The following CUX2 variants were observed in gnomAD, a reference collection of about 807,000 sequenced individuals.
CUX2 encodes homeobox protein cut-like 2.
A neutral mutation model predicts 144.8 loss-of-function variants in CUX2; 40 were observed. The observed-to-expected ratio is 0.28, with a 90% CI of 0.21 to 0.36. The LOEUF (loss-of-function observed/expected upper bound fraction) is 0.36. Ranked by LOEUF, CUX2 falls within the 10% of genes least tolerant of loss-of-function variation. The pLI is 1.00. For synonymous variants in CUX2, 827 were observed against 875.6 expected (o/e 0.94, Z 0.98); for missense variants, 1,615 against 1,994.0 (o/e 0.81, Z 3.62).
At chr12:111,242,485 C>G (rs1303954869) in intron 3 of CUX2, among the ~76,000 whole-genome samples, 1 of 152,172 alleles carries the variant, frequency 6.6e-6, no homozygotes, top group East Asian at 1.9e-4. Flanking sequence ...CTCCGTGGCT[C>G]TTGATGAAAC....
chr12:111,320,448 T>C lies in CUX2; in HGVS notation c.2439T>C (p.Ser813=). 2 of 1,592,856 alleles carry C rather than the reference T, an allele frequency of 1.3e-6. No individual in the cohort carries two copies. Among genetic ancestry groups the C allele is most frequent in the Non-Finnish European group, 8.5e-7 (1 of 1,174,926 alleles). ...CCTCGCTGTCCTCCTCCTCCTCCTCTGGCTACTCTGGCCAGCCCAACGGCC... is the reference window on the plus strand; with the variant it reads ...CCTCGCTGTCCTCCTCCTCCTCCTCCGGCTACTCTGGCCAGCCCAACGGCC... ...VSPSLSSSSS[S]GYSGQPNGRA... is the part of the protein sequence containing the mutation. Residue 813 remains serine, a synonymous_variant, in exon 17 of 22, where the codon TCT becomes TCC. Transcript: ENST00000261726. This position sits in a 1 kb window ranked among gnomAD's most constrained non-coding sequence, Gnocchi z 8.1.
chr12:111,154,634 A>C (rs1877261533), intron 1 of CUX2, among the ~76,000 whole-genome samples: 1 of 152,172 alleles, frequency 6.6e-6, no homozygotes, highest in Non-Finnish European at 1.5e-5. Context: ...GGGGAGATGC[A>C]GTTGATGTTT....
chr12:111,292,479 A>T (rs1328529973), intron 5 of CUX2, among the ~76,000 whole-genome samples: 1 of 152,098 alleles, frequency 6.6e-6, no homozygotes, highest in Non-Finnish European at 1.5e-5. Flanking sequence ...AATCCCAACT[A>T]CTTGGGAGGC....
At chr12:111,220,743 C>CAAAAAAAAAAAAAAAA (rs549438290) in intron 3 of CUX2, among the ~76,000 whole-genome samples, 1 of 39,106 alleles carries the variant, frequency 2.6e-5, no homozygotes, top group African/African-American at 1.1e-4. Flanking sequence ...CTCATCTCTG[C>CAAAAAAAAAAAAAAAA]AAAAAAAAAA....
chr12:111,285,975 TG>T (rs1334914653), intron 4 of CUX2, among the ~76,000 whole-genome samples: 1 of 152,198 alleles, frequency 6.6e-6, no homozygotes, highest in African/African-American at 2.4e-5. Context: ...TGTCCTGGGG[TG>T]GAAGGGATGT....
intron 1 of CUX2, among the ~76,000 whole-genome samples, chr12:111,188,372 A>G (rs1879681122): frequency 6.6e-6 from 1 of 152,212 alleles, no homozygotes; most frequent in South Asian, 2.1e-4. Context: ...GGACCCTGCC[A>G]TCAGCATTGG....
chr12:111,347,708 G>A lies in CUX2; in HGVS notation c.3844G>A (p.Glu1282Lys), dbSNP rs1888870835. ...GGAACTGGAGCTTCAGGAGGGCCCT[G>A]AGGAGAACAGCACACCCCTGACCAC... ...VKELELQEGPEENSTPLTTQD... is the reference protein window; with the variant it reads ...VKELELQEGPKENSTPLTTQD... Residue 1282 changes from glutamate to lysine, a missense_variant, in exon 22 of 22, where the codon GAG becomes AAG. This residue lies in a region of CUX2 where 298 missense variants were observed against 330.4 expected (regional missense o/e 0.90). Coordinates refer to ENST00000261726, the MANE Select transcript of CUX2 (RefSeq NM_015267.4). 6.2e-7 allele frequency: 1 copy of A among 1,613,880 alleles called. No homozygotes were observed. The highest frequency in any genetic ancestry group is 8.5e-7 in the Non-Finnish European group (1 of 1,179,968).
At chr12:111,285,270 A>T (rs1885321435) in intron 4 of CUX2, among the ~76,000 whole-genome samples, 1 of 152,112 alleles carries the variant, frequency 6.6e-6, no homozygotes, top group African/African-American at 2.4e-5. Context: ...AAGGTGGGGG[A>T]GAATGGTGAG....
chr12:111,043,244 T>C (rs9669756), intron 1 of CUX2, among the ~76,000 whole-genome samples: 11,471 of 151,882 alleles, frequency 0.076, 1,429 homozygotes, highest in African/African-American at 0.26. Flanking sequence ...TCCGAGACAG[T>C]ATATGGCAAA....
At chr12:111,300,900 T>C (rs1886258722) in intron 9 of CUX2, among the ~76,000 whole-genome samples, 1 of 151,982 alleles carries the variant, frequency 6.6e-6, no homozygotes, top group South Asian at 2.1e-4. Context: ...TATCCAGGCA[T>C]GGTGGTGTAC....
chr12:111,263,682 GA>G lies in CUX2; in HGVS notation c.223-69del, dbSNP rs56249976. On this transcript the variant is annotated intron_variant, in intron 3 of 21. Coordinates refer to ENST00000261726, the MANE Select transcript of CUX2 (RefSeq NM_015267.4). This position sits in a 1 kb window ranked among gnomAD's most constrained non-coding sequence, Gnocchi z 4.0. ...AAAAACCTGCAGATGTTTTCTTGTG[GA>G]AAAAAAAAATGATGAAATTTGCTTG... 0.22 allele frequency: 237,863 copies of G among 1,061,210 alleles called. 28,232 individuals carry two copies. The highest frequency in any genetic ancestry group is 0.45 in the East Asian group (17,947 of 40,328). 65.7% of individuals were successfully genotyped at this position (1,061,210 alleles called of 1,614,324 possible). A position where few individuals can be genotyped will look rare whatever the true frequency, so the allele number is the denominator to read the frequency against.
Position 111,322,698 on chromosome 12 carries a change from T to A in CUX2, c.2926+118T>A. The A allele has an allele frequency of 7.6e-7, 1 of 1,324,452 alleles. No homozygotes were observed. The highest frequency in any genetic ancestry group is 1.0e-6 in the Non-Finnish European group (1 of 967,968). 82.0% of individuals were successfully genotyped at this position (1,324,452 alleles called of 1,614,324 possible). On this transcript the variant is annotated intron_variant, in intron 18 of 21. Coordinates refer to ENST00000261726, the MANE Select transcript of CUX2 (RefSeq NM_015267.4). This position sits in a 1 kb window ranked among gnomAD's most constrained non-coding sequence, Gnocchi z 4.2. ...ATCTCTCCCTCCCTGCTGCCCTGGCTTTCATCCCAGTCACTGTCATGGCTG... is the reference window on the plus strand; with the variant it reads ...ATCTCTCCCTCCCTGCTGCCCTGGCATTCATCCCAGTCACTGTCATGGCTG...
Position 111,034,229 on chromosome 12 carries a change from C to A in CUX2, c.52C>A (p.Arg18=). The change falls in exon 1 of 22, where the codon CGG becomes AGG. Residue 18 remains arginine (R), a synonymous_variant. Coordinates refer to ENST00000261726, the MANE Select transcript of CUX2 (RefSeq NM_015267.4). The surrounding 1 kb of genome is among the most constrained non-coding windows in gnomAD (Gnocchi z 4.2). ...TCAATATTGGAAGCGATTTGATCTA[C>A]GGCGACTCCAGGTTAGTGCGGGCAG... ...MFQYWKRFDL[R]RLQKELNSVA... The A allele has an allele frequency of 7.2e-7, 1 of 1,396,740 alleles. No homozygotes were observed. The highest frequency in any genetic ancestry group is 9.6e-7 in the Non-Finnish European group (1 of 1,046,158). 86.5% of individuals were successfully genotyped at this position (1,396,740 alleles called of 1,614,324 possible). A position where few individuals can be genotyped will look rare whatever the true frequency, so the allele number is the denominator to read the frequency against.
intron 16 of CUX2, among the ~76,000 whole-genome samples, chr12:111,318,514 G>C (rs1489250519): frequency 6.6e-6 from 1 of 150,576 alleles, no homozygotes; most frequent in Non-Finnish European, 1.5e-5. Flanking sequence ...CCAGGAGTTT[G>C]AGACCACAGA....
intron 3 of CUX2, among the ~76,000 whole-genome samples, chr12:111,226,133 T>C (rs1039276951): frequency 4.6e-5 from 7 of 152,204 alleles, no homozygotes; most frequent in Non-Finnish European, 1.0e-4. Flanking sequence ...TTGTAGAGAC[T>C]TGGTTTCACC....
intron 20 of CUX2, among the ~76,000 whole-genome samples, chr12:111,341,137 C>A (rs564306468): frequency 1.3e-5 from 2 of 152,242 alleles, no homozygotes; most frequent in South Asian, 4.1e-4. Flanking sequence ...AAACACTCTA[C>A]AAAACGATGA....
At chr12:111,134,523 C>T (rs1263245845) in intron 1 of CUX2, among the ~76,000 whole-genome samples, 3 of 151,914 alleles carry the variant, frequency 2.0e-5, no homozygotes, top group Non-Finnish European at 4.4e-5. Flanking sequence ...AAATTCTGTT[C>T]CTCTCTAACC....
chr12:111,051,879 T>A (rs989162892), intron 1 of CUX2, among the ~76,000 whole-genome samples: 1 of 152,102 alleles, frequency 6.6e-6, no homozygotes, highest in African/African-American at 2.4e-5. Flanking sequence ...GTTTTTTTTT[T>A]AACTATATTA....
chr12:111,110,906 T>C (rs1434681030), intron 1 of CUX2, among the ~76,000 whole-genome samples: 1 of 152,164 alleles, frequency 6.6e-6, no homozygotes, highest in African/African-American at 2.4e-5. Context: ...ATAAAGAAAC[T>C]GTTCTTACGA....
Sources: allele counts gnomAD v4.1 joint callset (sites outside exome capture counted in the v4.1 genomes callset), GRCh38; gene constraint gnomAD v4.1.1; regional missense constraint gnomAD v4.1.1; non-coding constraint Gnocchi (gnomAD v3.1); transcripts MANE v1.5; gene names NCBI Gene and HGNC (gene_info 2026-07-23, HGNC 2026-07-21).